Variants in TRPV2 observed in about 807,000 individuals in gnomAD.
The protein encoded by TRPV2 is OTRPC2.
A neutral mutation model predicts 91.0 loss-of-function variants in TRPV2; 58 were observed. The observed-to-expected ratio is 0.64, with a 90% CI of 0.52 to 0.79. The LOEUF (loss-of-function observed/expected upper bound fraction) is 0.79. TRPV2 is among the 30% of genes least tolerant of loss of function. The probability of loss-of-function intolerance (pLI) is 0.00; values close to 1 mark genes in which losing one functional copy is unlikely to be tolerated. For synonymous variants in TRPV2, 417 were observed against 414.8 expected (o/e 1.01, Z -0.06); for missense variants, 807 against 969.6 (o/e 0.83, Z 2.23).
At chr17:16,436,518 G>C (rs2093434490) in intron 14 of TRPV2, among the ~76,000 whole-genome samples, 1 of 152,166 alleles carries the variant, frequency 6.6e-6, no homozygotes, top group South Asian at 2.1e-4. Context: ...CATGTCTCAG[G>C]TGTTCTGATC....
chr17:16,426,987 T>G lies in TRPV2; in HGVS notation c.1251+110T>G. 1 of 1,275,830 alleles carries G rather than the reference T, an allele frequency of 7.8e-7. No individual in the cohort carries two copies. Among genetic ancestry groups the G allele is most frequent in the Non-Finnish European group, 1.1e-6 (1 of 924,822 alleles). 79.0% of individuals were successfully genotyped at this position (1,275,830 alleles called of 1,614,324 possible). A position where few individuals can be genotyped will look rare whatever the true frequency, so the allele number is the denominator to read the frequency against. ...TGAGGCATGGGCTGCTGGAGTGACA[T>G]TCCCAAGCTTATGGGAGCCAGCACT... On this transcript the variant is annotated intron_variant, in intron 7 of 14. Transcript: ENST00000338560. The surrounding 1 kb of genome is among the most constrained non-coding windows in gnomAD (Gnocchi z 6.0).
intron 7 of TRPV2, among the ~76,000 whole-genome samples, chr17:16,427,227 G>A (rs1378042805): frequency 2.0e-5 from 3 of 152,100 alleles, no homozygotes; most frequent in Non-Finnish European, 4.4e-5. Context: ...GTGTGGAGAG[G>A]GAATCTGAAT....
chr17:16,428,294 C>T, intron 8 of TRPV2, 23 bp from the exon 9 acceptor site: 1 of 1,613,664 alleles, frequency 6.2e-7, no homozygotes, highest in Non-Finnish European at 8.5e-7. Flanking sequence ...TTTCACAGCC[C>T]TCTGTCCTCC....
intron 4 of TRPV2, 100 bp from the exon 5 acceptor site, chr17:16,423,369 A>T (rs1327523847): frequency 1.5e-6 from 2 of 1,354,748 alleles, no homozygotes; most frequent in East Asian, 2.4e-5. Context: ...AAGAAGCCTG[A>T]CCTGTTTCAA....
At position 16,436,965 on chromosome 17, in the gene TRPV2, A is replaced by G; in HGVS notation, c.*76A>G. ...CCACATCTGCTGGCTCTGGGGTCCC[A>G]GTGAATTCTGGTGGCAAATATATAT... On this transcript the variant is annotated 3_prime_UTR_variant, in exon 15 of 15. Coordinates refer to ENST00000338560, the MANE Select transcript of TRPV2 (RefSeq NM_016113.5). The G allele has an allele frequency of 8.5e-7, 1 of 1,174,918 alleles. No individual in the cohort carries two copies. Among genetic ancestry groups the G allele is most frequent in the Non-Finnish European group, 1.3e-6 (1 of 791,198 alleles). 72.8% of individuals were successfully genotyped at this position (1,174,918 alleles called of 1,614,324 possible).
intron 3 of TRPV2, 116 bp from the exon 4 acceptor site, chr17:16,422,483 A>G: frequency 9.9e-7 from 1 of 1,012,798 alleles, no homozygotes; most frequent in East Asian, 2.5e-5. Context: ...TATGTGTAGC[A>G]TCTCTTTTAA....
intron 3 of TRPV2, 27 bp downstream of exon 3, chr17:16,420,275 C>A (rs4273076): frequency 0.61 from 964,400 of 1,593,906 alleles, 306,231 homozygotes; most frequent in Non-Finnish European, 0.66. Flanking sequence ...GGATCCAAGG[C>A]TAGGCATCCT....
Position 16,415,744 on chromosome 17 carries a change from C to G in TRPV2, c.-197C>G, listed in dbSNP as rs2093327350. ...GCTCCTCTGCTGTCAGCGCCGGCAG[C>G]CCCTCCCGGCTTCACTTCCTCCCGC... is the stretch of plus-strand genomic sequence containing the variant. On this transcript the variant is annotated 5_prime_UTR_variant, in exon 1 of 15. Transcript: ENST00000338560. The surrounding 1 kb of genome is among the most constrained non-coding windows in gnomAD (Gnocchi z 4.5). The G allele has an allele frequency of 6.6e-6, 1 of 152,286 alleles. No homozygotes were observed. The highest frequency in any genetic ancestry group is 2.4e-5 in the African/African-American group (1 of 41,438). The allele number at this position is 152,286 out of a possible 1,614,324, so 9.4% of individuals were successfully genotyped here.
intron 4 of TRPV2, among the ~76,000 whole-genome samples, chr17:16,423,153 TC>T (rs1354963822): frequency 6.6e-6 from 1 of 152,230 alleles, no homozygotes; most frequent in South Asian, 2.1e-4. Flanking sequence ...CATTAATTTG[TC>T]ATAAGAGATG....
In TRPV2 at chr17:16,428,341, G is replaced by A. The variant is rs1419771718; in HGVS notation, c.1375G>A (p.Val459Met). The A allele has an allele frequency of 3.1e-6, 5 of 1,614,204 alleles. No homozygotes were observed. The highest frequency in any genetic ancestry group is 2.2e-5 in the East Asian group (1 of 44,884). The change falls in exon 9 of 15, where the codon GTG becomes ATG. Residue 459 changes from valine (V) to methionine (M), a missense_variant. By Grantham distance (21) the Val-to-Met change is conservative. Transcript: ENST00000338560. ...GQLWYFWRRH[V>M]FIWISFIDSY... is the part of the protein sequence containing the mutation. ...GCTGTGGTACTTCTGGCGGCGCCACGTGTTCATCTGGATCTCGTTCATAGA... is the reference window on the plus strand; with the variant it reads ...GCTGTGGTACTTCTGGCGGCGCCACATGTTCATCTGGATCTCGTTCATAGA...
intron 4 of TRPV2, among the ~76,000 whole-genome samples, 181 bp from the exon 5 acceptor site, chr17:16,423,288 C>T (rs2093366828): frequency 6.6e-6 from 1 of 152,256 alleles, no homozygotes; most frequent in Non-Finnish European, 1.5e-5. Context: ...GGCAGCATGC[C>T]TGGGCTCTGG....
At chr17:16,434,207 G>C (rs8074869) in intron 13 of TRPV2, among the ~76,000 whole-genome samples, 3 of 152,020 alleles carry the variant, frequency 2.0e-5, no homozygotes, top group African/African-American at 7.2e-5. Flanking sequence ...AGTGGCTCAT[G>C]CCTGTAATCC....
intron 3 of TRPV2, among the ~76,000 whole-genome samples, chr17:16,421,212 C>T (rs1295374818): frequency 3.3e-5 from 5 of 150,932 alleles, no homozygotes; most frequent in African/African-American, 1.2e-4. Flanking sequence ...TTATATTATT[C>T]CCCTTTTTTT....
At position 16,417,779 on chromosome 17, in the gene TRPV2, T is replaced by C. The variant is rs1481626342; in HGVS notation, c.111T>C (p.Pro37=). The part of the protein sequence containing the change: ...RGKLDFGSGL[P]PMESQFQGED... ...AGCTGGATTTTGGGAGCGGGCTGCCTCCCATGGAGTCACAGTTCCAGGGCG... is the reference window on the plus strand; with the variant it reads ...AGCTGGATTTTGGGAGCGGGCTGCCCCCCATGGAGTCACAGTTCCAGGGCG... Residue 37 remains proline, a synonymous_variant, in exon 2 of 15, where the codon CCT becomes CCC. Transcript: ENST00000338560. 1 of 1,614,166 alleles carries C rather than the reference T, an allele frequency of 6.2e-7. No individual in the cohort carries two copies. Among genetic ancestry groups the C allele is most frequent in the Non-Finnish European group, 8.5e-7 (1 of 1,180,024 alleles).
chr17:16,434,696 A>G lies in TRPV2; in HGVS notation c.2115-194A>G, dbSNP rs2093428011. On this transcript the variant is annotated intron_variant, in intron 13 of 14. Coordinates refer to ENST00000338560, the MANE Select transcript of TRPV2 (RefSeq NM_016113.5). ...TGGATGCTGATTCCTGCAAGTGAGC[A>G]CCTGCCTCACAGGACAGGGCTCCAA... The G allele has an allele frequency of 1.5e-5, 8 of 527,718 alleles. No homozygotes were observed. The East Asian group carries it at 2.4e-4, about 16-fold the overall frequency. 32.7% of individuals were successfully genotyped at this position (527,718 alleles called of 1,614,324 possible).
In TRPV2 at chr17:16,426,308, G is replaced by A. The variant is rs1376711499; in HGVS notation, c.1095+39G>A. On this transcript the variant is annotated intron_variant, in intron 6 of 14. Coordinates refer to ENST00000338560, the MANE Select transcript of TRPV2 (RefSeq NM_016113.5). This position sits in a 1 kb window ranked among gnomAD's most constrained non-coding sequence, Gnocchi z 6.0. ...AGCATGGGTGCACGCAGAGGACCCA[G>A]CAGAGTTTCCAGCAAGGTCCACAAA... is the stretch of plus-strand genomic sequence containing the variant. The A allele has an allele frequency of 1.2e-6, 2 of 1,606,412 alleles. No homozygotes were observed. The highest frequency in any genetic ancestry group is 1.7e-6 in the Non-Finnish European group (2 of 1,174,616).
At position 16,426,966 on chromosome 17, in the gene TRPV2, G is replaced by A. The variant is rs151033397; in HGVS notation, c.1251+89G>A. 0.02 allele frequency: 28,551 copies of A among 1,441,358 alleles called. 371 individuals carry two copies. Among genetic ancestry groups the A allele is most frequent in the Non-Finnish European group, 0.023 (23,996 of 1,062,478 alleles). 89.3% of individuals were successfully genotyped at this position (1,441,358 alleles called of 1,614,324 possible). On this transcript the variant is annotated intron_variant, in intron 7 of 14. Coordinates refer to ENST00000338560, the MANE Select transcript of TRPV2 (RefSeq NM_016113.5). The surrounding 1 kb of genome is among the most constrained non-coding windows in gnomAD (Gnocchi z 6.0). ...AAGATGGGGCAGTAATAGTGCTGAG[G>A]CATGGGCTGCTGGAGTGACATTCCC...
intron 7 of TRPV2, 45 bp from the exon 8 acceptor site, chr17:16,427,404 G>A (rs773813089): frequency 1.1e-5 from 17 of 1,587,442 alleles, no homozygotes; most frequent in South Asian, 2.2e-5. Context: ...TGAGCTGTTC[G>A]AGAGAGGACC....
Position 16,426,081 on chromosome 17 carries a change from C to T in TRPV2, c.925-18C>T. ...CAGGAAGGGACCATGAATGCAAGCTCATATGGCCACCCTGCAGATTTTCAG... is the reference window on the plus strand; with the variant it reads ...CAGGAAGGGACCATGAATGCAAGCTTATATGGCCACCCTGCAGATTTTCAG... On this transcript the variant is annotated intron_variant, in intron 5 of 14. Transcript: ENST00000338560. The surrounding 1 kb of genome is among the most constrained non-coding windows in gnomAD (Gnocchi z 6.0). 6.2e-7 allele frequency: 1 copy of T among 1,614,012 alleles called. No homozygotes were observed. Among genetic ancestry groups the T allele is most frequent in the East Asian group, 2.2e-5 (1 of 44,884 alleles).
Sources: gnomAD v4.1 joint callset for allele counts (sites outside exome capture counted in the v4.1 genomes callset) on GRCh38, gnomAD v4.1.1 for gene constraint, Gnocchi (gnomAD v3.1) non-coding constraint, MANE v1.5 for transcripts, NCBI Gene and HGNC (gene_info 2026-07-23, HGNC 2026-07-21) for gene names.